The following CACNA1I variants were observed in gnomAD, a reference collection of about 807,000 sequenced individuals.
The protein encoded by CACNA1I is calcium voltage-gated channel subunit alpha1 I, also known as voltage-dependent T-type calcium channel subunit alpha-1I.
In CACNA1I, 74 loss-of-function variants were observed where a neutral mutation model predicts 201.6. The ratio of observed to expected loss-of-function variants is 0.37; its 90% CI spans 0.30 to 0.45. The LOEUF (loss-of-function observed/expected upper bound fraction) is 0.45. Among genes scored for constraint, CACNA1I ranks in the 20% least tolerant of loss-of-function variants. The pLI is 1.00. For missense variants in CACNA1I, 2,346 were observed against 3,138.1 expected (o/e 0.75, Z 6.03); for synonymous variants, 1,431 against 1,345.2 (o/e 1.06, Z -1.40).
chr22:39,650,305 T>TA lies in CACNA1I; in HGVS notation c.1992+396dup, dbSNP rs136831. On this transcript the variant is annotated intron_variant, in intron 10 of 36. Coordinates refer to ENST00000402142, the MANE Select transcript of CACNA1I (RefSeq NM_021096.4). ...ACCTGAGCCCTTCTGTTTTCTTCTTTAAAAAAAAAAAAAAAATTTAAAAAA... is the reference window on the plus strand; with the variant it reads ...ACCTGAGCCCTTCTGTTTTCTTCTTTAAAAAAAAAAAAAAAAATTTAAAAAA... 3.2e-3 allele frequency among the ~76,000 whole-genome samples: 455 copies of TA among 143,854 alleles called. 2 individuals carry two copies. The highest frequency in any genetic ancestry group is 4.0e-3 in the South Asian group (18 of 4,450). The allele number at this position is 143,854 out of a possible 152,430, so 94.4% of individuals were successfully genotyped here.
chr22:39,576,760 G>T (rs1932369858), intron 1 of CACNA1I, among the ~76,000 whole-genome samples: 1 of 152,190 alleles, frequency 6.6e-6, no homozygotes, highest in Non-Finnish European at 1.5e-5. Context: ...ACCAGGTCTG[G>T]AAGGGGCTGT....
intron 1 of CACNA1I, among the ~76,000 whole-genome samples, chr22:39,585,386 C>CTTTTTTTT (rs67733131): frequency 7.7e-5 from 7 of 90,454 alleles, no homozygotes; most frequent in Non-Finnish European, 1.3e-4. Context: ...TTCTTTCTTT[C>CTTTTTTTT]TTTTTTTTTT....
Position 39,646,841 on chromosome 22 carries a change from C to T in CACNA1I, c.1422C>T (p.Pro474=), listed in dbSNP as rs548816212. Reference sequence around the variant, plus strand: ...CCCTGGGCCCGGAGGCCCCGGCCCCCGCCAAACCTGGGCCCCACGCCAAGG... The same window carrying T: ...CCCTGGGCCCGGAGGCCCCGGCCCCTGCCAAACCTGGGCCCCACGCCAAGG... The part of the protein sequence containing the change: ...RQALGPEAPA[P]AKPGPHAKEP... The change falls in exon 8 of 37, where the codon CCC becomes CCT. Residue 474 remains proline, a synonymous_variant. Transcript: ENST00000402142. 153 of 1,530,774 alleles carry T rather than the reference C, an allele frequency of 1.0e-4. No homozygotes were observed. Among genetic ancestry groups the T allele is most frequent in the Non-Finnish European group, 1.2e-4 (138 of 1,139,428 alleles). 94.8% of individuals were successfully genotyped at this position (1,530,774 alleles called of 1,614,324 possible). A position where few individuals can be genotyped will look rare whatever the true frequency, so the allele number is the denominator to read the frequency against.
chr22:39,660,360 C>G lies in CACNA1I; in HGVS notation c.2621C>G (p.Ser874Cys). 6.2e-7 allele frequency: 1 copy of G among 1,612,712 alleles called. No homozygotes were observed. Among genetic ancestry groups the G allele is most frequent in the African/African-American group, 1.3e-5 (1 of 75,018 alleles). Residue 874 changes from serine to cysteine, a missense_variant, in exon 15 of 37, where the codon TCC becomes TGC. This residue lies in a region of CACNA1I where 92 missense variants were observed against 114.5 expected (regional missense o/e 0.80). Transcript: ENST00000402142. ...GFQAEGDANR[S>C]YSDEDQSSSN... ...CTCTCCCAGGGTGACGCCAATCGCT[C>G]CTACTCGGACGAGGACCAGAGCTCA...
rs946408332 is a variant in CACNA1I, at chr22:39,677,896, G to A, written c.4934-91G>A. ...GCAGGCCCCTCCTAGGGTGTGATGAGGGTTCTGAGGCGAGGCGGGAGGCAC... is the reference window on the plus strand; with the variant it reads ...GCAGGCCCCTCCTAGGGTGTGATGAAGGTTCTGAGGCGAGGCGGGAGGCAC... On this transcript the variant is annotated intron_variant, in intron 30 of 36. Transcript: ENST00000402142. This position sits in a 1 kb window ranked among gnomAD's most constrained non-coding sequence, Gnocchi z 4.8. 17 of 1,423,292 alleles carry A rather than the reference G, an allele frequency of 1.2e-5. No homozygotes were observed. The African/African-American group carries it at 2.3e-4, about 19-fold the overall frequency. 88.2% of individuals were successfully genotyped at this position (1,423,292 alleles called of 1,614,324 possible). A position where few individuals can be genotyped will look rare whatever the true frequency, so the allele number is the denominator to read the frequency against.
chr22:39,675,432 T>C (rs1935489627), intron 29 of CACNA1I, among the ~76,000 whole-genome samples: 1 of 152,054 alleles, frequency 6.6e-6, no homozygotes. Flanking sequence ...CCAAATCCAG[T>C]GTGGAGCTGG....
In CACNA1I at chr22:39,689,471, A is replaced by T. The variant is rs558302775; in HGVS notation, c.*3066A>T. 1 of 152,738 alleles carries T rather than the reference A, an allele frequency of 6.5e-6. No individual in the cohort carries two copies. The highest frequency in any genetic ancestry group is 1.5e-5 in the Non-Finnish European group (1 of 68,096). 9.5% of individuals were successfully genotyped at this position (152,738 alleles called of 1,614,324 possible). On this transcript the variant is annotated 3_prime_UTR_variant, in exon 37 of 37. Coordinates refer to ENST00000402142, the MANE Select transcript of CACNA1I (RefSeq NM_021096.4). ...ACATACTCTTTTTTGTCTTTGTGCA[A>T]TAATCAGTGTTCCTGGCAGAGCCTG...
chr22:39,597,385 AG>A (rs1932915322), intron 1 of CACNA1I, among the ~76,000 whole-genome samples: 1 of 151,984 alleles, frequency 6.6e-6, no homozygotes, highest in African/African-American at 2.4e-5. Context: ...GCATTCATGG[AG>A]GGGCTCTCAG....
Position 39,672,320 on chromosome 22 carries a change from G to T in CACNA1I, c.4649+12G>T. 6.4e-7 allele frequency: 1 copy of T among 1,552,962 alleles called. No individual in the cohort carries two copies. The highest frequency in any genetic ancestry group is 8.9e-7 in the Non-Finnish European group (1 of 1,125,012). On this transcript the variant is annotated intron_variant, in intron 27 of 36. Coordinates refer to ENST00000402142, the MANE Select transcript of CACNA1I (RefSeq NM_021096.4). ...TTCTTCAAGGACCGGTGAGTGGCCA[G>T]GCTGGATTAGGGCAGTAATAGGGTA...
intron 20 of CACNA1I, 102 bp from the exon 21 acceptor site, chr22:39,664,637 C>T (rs1935126330): frequency 2.2e-6 from 1 of 457,042 alleles, no homozygotes; most frequent in Non-Finnish European, 4.0e-6. Context: ...TCCCCGAAGC[C>T]GATCAGGCCT....
intron 34 of CACNA1I, among the ~76,000 whole-genome samples, chr22:39,681,447 G>A (rs1467094524): frequency 1.3e-5 from 2 of 152,228 alleles, no homozygotes; most frequent in Non-Finnish European, 2.9e-5. Flanking sequence ...CACCTACTAT[G>A]TGCAGGCGCT....
chr22:39,601,373 G>A (rs191348329), intron 3 of CACNA1I, among the ~76,000 whole-genome samples: 1 of 152,244 alleles, frequency 6.6e-6, no homozygotes, highest in Non-Finnish European at 1.5e-5. Flanking sequence ...GGACCAGGGC[G>A]CTGGGCAAAG....
intron 1 of CACNA1I, among the ~76,000 whole-genome samples, chr22:39,585,980 C>T (rs935314522): frequency 6.6e-6 from 1 of 151,808 alleles, no homozygotes; most frequent in African/African-American, 2.4e-5. Context: ...GAGATTGAGA[C>T]TCTCCTGGCC....
At chr22:39,618,313 G>A (rs931803444) in intron 3 of CACNA1I, among the ~76,000 whole-genome samples, 5 of 151,302 alleles carry the variant, frequency 3.3e-5, no homozygotes, top group African/African-American at 9.7e-5. Context: ...GTGTGATTAT[G>A]TGCGTGTGTG....
chr22:39,646,011 G>A (rs184795162), intron 7 of CACNA1I, among the ~76,000 whole-genome samples: 2 of 152,350 alleles, frequency 1.3e-5, no homozygotes, highest in East Asian at 1.9e-4. Flanking sequence ...ACGACGGGCT[G>A]TGGCCTCCCT....
chr22:39,622,168 G>A (rs903831777), intron 4 of CACNA1I, among the ~76,000 whole-genome samples: 2 of 152,188 alleles, frequency 1.3e-5, no homozygotes, highest in Non-Finnish European at 1.5e-5. Context: ...CCAGAACTCT[G>A]CCTGGCGGAC....
intron 1 of CACNA1I, among the ~76,000 whole-genome samples, chr22:39,592,772 G>A (rs1425502078): frequency 6.6e-6 from 1 of 152,230 alleles, no homozygotes; most frequent in Non-Finnish European, 1.5e-5. Flanking sequence ...TGTTCTCAGA[G>A]AGTTCCTCAA....
At chr22:39,635,469 G>A (rs535413544) in intron 5 of CACNA1I, among the ~76,000 whole-genome samples, 1 of 152,182 alleles carries the variant, frequency 6.6e-6, no homozygotes, top group African/African-American at 2.4e-5. Context: ...GGGACGTGGG[G>A]ACACTGTACA....
intron 4 of CACNA1I, among the ~76,000 whole-genome samples, chr22:39,619,808 C>T (rs1351743383): frequency 5.3e-5 from 8 of 152,182 alleles, no homozygotes; most frequent in Non-Finnish European, 1.2e-4. Flanking sequence ...TGAAACCTGA[C>T]TCCCTCACTT....
Sources: gnomAD v4.1 joint callset for allele counts (sites outside exome capture counted in the v4.1 genomes callset) on GRCh38, gnomAD v4.1.1 for gene constraint, gnomAD v4.1.1 regional missense constraint, Gnocchi (gnomAD v3.1) non-coding constraint, MANE v1.5 for transcripts, NCBI Gene and HGNC (gene_info 2026-07-23, HGNC 2026-07-21) for gene names.